Variants in PAPLN observed in about 807,000 individuals in gnomAD.
PAPLN encodes papilin.
Under a neutral mutation model 159.0 loss-of-function variants are expected in PAPLN, and 146 were observed. The observed-to-expected ratio is 0.92, with a 90% CI of 0.80 to 1.05. The LOEUF (loss-of-function observed/expected upper bound fraction) is 1.05. Among genes scored for constraint, PAPLN ranks in the 50% least tolerant of loss-of-function variants. The pLI is 0.00. For synonymous variants in PAPLN, 734 were observed against 702.9 expected (o/e 1.04, Z -0.70); for missense variants, 1,720 against 1,743.9 (o/e 0.99, Z 0.24).
chr14:73,261,310 CT>C lies in PAPLN; in HGVS notation c.2245+17del, dbSNP rs1398468977. On this transcript the variant is annotated intron_variant, in intron 18 of 26. Transcript: ENST00000644200. Reference sequence around the variant, plus strand: ...CCCAGCCATGGTGAGTGGACACCCCCTCTCCTCCTTCTCGATGGGTAGACTC... The same window carrying C: ...CCCAGCCATGGTGAGTGGACACCCCCCTCCTCCTTCTCGATGGGTAGACTC... 4 of 1,612,256 alleles carry C rather than the reference CT, an allele frequency of 2.5e-6. No homozygotes were observed. In the East Asian group the frequency reaches 6.7e-5, roughly 27 times the overall value.
At chr14:73,256,576 T>C (rs1885941360) in intron 14 of PAPLN, among the ~76,000 whole-genome samples, 1 of 151,070 alleles carries the variant, frequency 6.6e-6, no homozygotes, top group Non-Finnish European at 1.5e-5. Context: ...CACATATCTG[T>C]TGGAGTCTTC....
chr14:73,260,400 T>C (rs561032089), intron 16 of PAPLN, among the ~76,000 whole-genome samples: 1 of 152,286 alleles, frequency 6.6e-6, no homozygotes, highest in Non-Finnish European at 1.5e-5. Flanking sequence ...TGACATTTGG[T>C]CAGGCTCAGA....
At chr14:73,263,462 T>G (rs1886808999) in intron 19 of PAPLN, 183 bp from the exon 20 acceptor site, 1 of 711,568 alleles carries the variant, frequency 1.4e-6, no homozygotes, top group South Asian at 1.8e-5. Flanking sequence ...GGGGGCAGGT[T>G]GGGGAGGGTA....
intron 6 of PAPLN, 116 bp downstream of exon 6, chr14:73,250,230 A>G: frequency 1.5e-6 from 2 of 1,350,674 alleles, no homozygotes; most frequent in Non-Finnish European, 1.9e-6. Flanking sequence ...TGTCTTCTCA[A>G]GTTACCAGGA....
chr14:73,237,788 C>G (rs1276585135), intron 1 of PAPLN, among the ~76,000 whole-genome samples, 196 bp downstream of exon 1: 1 of 152,148 alleles, frequency 6.6e-6, no homozygotes, highest in Non-Finnish European at 1.5e-5. Flanking sequence ...CGCGCGCCCC[C>G]CGGCCTGGAG....
chr14:73,266,790 G>A lies in PAPLN; in HGVS notation c.3459G>A (p.Leu1153=). Reference sequence around the variant, plus strand: ...CAGAGGGTGATACGGCCAGGCTATTGTGTGTGGTAGCAGGAGAAAGTGTGA... The same window carrying A: ...CAGAGGGTGATACGGCCAGGCTATTATGTGTGGTAGCAGGAGAAAGTGTGA... ...TVPEGDTARL[L]CVVAGESVNI... Residue 1153 remains leucine, a synonymous_variant, in exon 25 of 27, where the codon TTG becomes TTA. Transcript: ENST00000644200. The A allele has an allele frequency of 6.2e-7, 1 of 1,613,868 alleles. No individual in the cohort carries two copies. The highest frequency in any genetic ancestry group is 8.5e-7 in the Non-Finnish European group (1 of 1,179,876).
In PAPLN at chr14:73,259,306, C is replaced by T. The variant is rs1251245652; in HGVS notation, c.1746C>T (p.Pro582=). ...RGQWWAAQEH[P]SARGDHRGER... ...AGTGGTGGGCAGCCCAGGAACACCC[C>T]TCAGCCAGGGGTGACCACAGGGGAG... Residue 582 remains proline, a synonymous_variant, in exon 16 of 27, where the codon CCC becomes CCT. Transcript: ENST00000644200. 1 of 1,590,346 alleles carries T rather than the reference C, an allele frequency of 6.3e-7. No individual in the cohort carries two copies. The highest frequency in any genetic ancestry group is 8.6e-7 in the Non-Finnish European group (1 of 1,165,864).
intron 2 of PAPLN, among the ~76,000 whole-genome samples, chr14:73,241,701 G>A (rs1239350068): frequency 1.3e-5 from 2 of 152,202 alleles, no homozygotes; most frequent in Non-Finnish European, 2.9e-5. Context: ...TCTGTTGCTG[G>A]GGCAGGAACC....
rs767526080 is a variant in PAPLN, at chr14:73,262,370, C to T, written c.2266C>T (p.Leu756=). ...TGCAGCCTACCCCGTGCGGTGCCTGCTGCCCAGTGCCCATGGCTCTTGCGC... is the reference window on the plus strand; with the variant it reads ...TGCAGCCTACCCCGTGCGGTGCCTGTTGCCCAGTGCCCATGGCTCTTGCGC... ...PSHAYPVRCL[L]PSAHGSCADW... is the part of the protein sequence containing the mutation. The change falls in exon 19 of 27, where the codon CTG becomes TTG. Residue 756 remains leucine, a synonymous_variant. Coordinates refer to ENST00000644200, the MANE Select transcript of PAPLN (RefSeq NM_001365906.3). 2 of 1,613,072 alleles carry T rather than the reference C, an allele frequency of 1.2e-6. No homozygotes were observed. Among genetic ancestry groups the T allele is most frequent in the Non-Finnish European group, 1.7e-6 (2 of 1,179,430 alleles).
chr14:73,256,245 A>G (rs1009400300), intron 14 of PAPLN, among the ~76,000 whole-genome samples: 1 of 152,188 alleles, frequency 6.6e-6, no homozygotes, highest in Non-Finnish European at 1.5e-5. Context: ...AGGAAGAAAA[A>G]GGGCCAGGTG....
rs1284431881 is a variant in PAPLN, at chr14:73,260,818, G to A, written c.2095G>A (p.Val699Met). The A allele has an allele frequency of 3.3e-6, 5 of 1,496,732 alleles. No individual in the cohort carries two copies. Among genetic ancestry groups the A allele is most frequent in the Non-Finnish European group, 4.4e-6 (5 of 1,125,914 alleles). The allele number at this position is 1,496,732 out of a possible 1,614,324, so 92.7% of individuals were successfully genotyped here. A position where few individuals can be genotyped will look rare whatever the true frequency, so the allele number is the denominator to read the frequency against. Residue 699 changes from valine to methionine, a missense_variant, in exon 17 of 27, where the codon GTG becomes ATG. Physicochemically the swap from Val to Met is conservative, Grantham distance 21. Transcript: ENST00000644200. ...CGGGGGCATGCCCAGGTCAAGGGCA[G>A]TGGCTTCTACAGTAAGTGTCTGGCC... ...STGGMPRSRA[V>M]ASTVHNTHQP...
chr14:73,268,564 C>T lies in PAPLN; in HGVS notation c.3508C>T (p.Leu1170=). Residue 1170 remains leucine (L), a synonymous_variant, in exon 26 of 27, where the codon CTA becomes TTA. Coordinates refer to ENST00000644200, the MANE Select transcript of PAPLN (RefSeq NM_001365906.3). ...SVNIRWSRNG[L]PVQADGHRVH... The stretch of plus-strand genomic sequence containing the variant: ...GTGTCCTCTCTCCTCCAGGAACGGG[C>T]TACCTGTGCAGGCTGATGGCCACCG... 6.2e-7 allele frequency: 1 copy of T among 1,611,864 alleles called. No individual in the cohort carries two copies. The highest frequency in any genetic ancestry group is 8.5e-7 in the Non-Finnish European group (1 of 1,178,828).
At chr14:73,250,574 G>T (rs1326315446) in intron 6 of PAPLN, among the ~76,000 whole-genome samples, 1 of 152,096 alleles carries the variant, frequency 6.6e-6, no homozygotes, top group Non-Finnish European at 1.5e-5. Context: ...TCTAGCCACC[G>T]GGGGTTGTCT....
chr14:73,263,064 G>A (rs539482227), intron 19 of PAPLN: 2 of 419,818 alleles, frequency 4.8e-6, no homozygotes, highest in South Asian at 1.1e-4. Context: ...GTGGCTCCGG[G>A]GTTCTCCATC....
At chr14:73,253,458 A>G (rs1269226793) in intron 11 of PAPLN, among the ~76,000 whole-genome samples, 1 of 152,028 alleles carries the variant, frequency 6.6e-6, no homozygotes, top group African/African-American at 2.4e-5. Context: ...AGAGGAATGG[A>G]GTCTGACTGG....
chr14:73,263,955 C>T (rs1315596308), intron 20 of PAPLN, 173 bp downstream of exon 20: 2 of 1,266,772 alleles, frequency 1.6e-6, no homozygotes, highest in Non-Finnish European at 2.1e-6. Context: ...TGTGTGACGG[C>T]CCCCCGACCT....
chr14:73,254,970 C>G lies in PAPLN; in HGVS notation c.1579C>G (p.Pro527Ala). The G allele has an allele frequency of 6.2e-7, 1 of 1,613,836 alleles. No homozygotes were observed. The highest frequency in any genetic ancestry group is 8.5e-7 in the Non-Finnish European group (1 of 1,179,976). ...CTGCGGGAGCCTGCAGCACTCCAAG[C>G]CTGTGGATGTGGAGCCTTGTAACAC... Reference protein sequence around the residue: ...SHCGSLQHSKPVDVEPCNTQP... With the variant: ...SHCGSLQHSKAVDVEPCNTQP... The change falls in exon 14 of 27, where the codon CCT (proline) becomes GCT (alanine). Residue 527 changes from proline (P) to alanine (A), a missense_variant. By Grantham distance (27) the Pro-to-Ala change is conservative (BLOSUM62 -1). Coordinates refer to ENST00000644200, the MANE Select transcript of PAPLN (RefSeq NM_001365906.3).
chr14:73,241,015 G>T (rs573475220), intron 2 of PAPLN, among the ~76,000 whole-genome samples: 4 of 151,242 alleles, frequency 2.6e-5, no homozygotes, highest in Admixed American at 6.6e-5. Flanking sequence ...GGGGAGGTCG[G>T]GGGGGGGATG....
chr14:73,266,096 T>C (rs796836302), intron 23 of PAPLN, among the ~76,000 whole-genome samples: 9 of 152,224 alleles, frequency 5.9e-5, no homozygotes, highest in Middle Eastern at 3.4e-3. Flanking sequence ...CCCAGCACTA[T>C]AGGAGGCCGA....
Sources: gnomAD v4.1 joint callset for allele counts (sites outside exome capture counted in the v4.1 genomes callset) on GRCh38, gnomAD v4.1.1 for gene constraint, MANE v1.5 for transcripts, NCBI Gene and HGNC (gene_info 2026-07-23, HGNC 2026-07-21) for gene names.